The following ANKRD30A variants were observed in gnomAD, a reference collection of about 807,000 sequenced individuals.
ANKRD30A encodes ankyrin repeat domain-containing protein 30A.
ANKRD30A carries 170 observed loss-of-function variants against 166.3 expected under a neutral mutation model. That is an observed-to-expected ratio of 1.02 (90% CI 0.90 to 1.16). The LOEUF (loss-of-function observed/expected upper bound fraction) is 1.16. Ranked by LOEUF, ANKRD30A falls within the 50% of genes most tolerant of loss-of-function variation. ANKRD30A has a pLI of 0.00. For synonymous variants in ANKRD30A, 564 were observed against 508.9 expected, an observed-to-expected ratio of 1.11 and a Z score of -1.46; for missense variants, 1,630 against 1,518.0, an observed-to-expected ratio of 1.07 and a Z score of -1.23.
At chr10:37,162,088 C>G (rs540934294) in intron 15 of ANKRD30A, among the ~76,000 whole-genome samples, 1 of 152,066 alleles carries the variant, frequency 6.6e-6, no homozygotes, top group African/African-American at 2.4e-5. Flanking sequence ...AGCATTCAGA[C>G]AGCTAAAGTA....
At chr10:37,253,602 T>G in the ANKRD30A span, among the ~76,000 whole-genome samples, 27 of 151,964 alleles carry the variant, frequency 1.8e-4, no homozygotes, top group African/African-American at 5.8e-4. Context: ...ATACAATATG[T>G]GGCCTTTGGT....
At chr10:37,233,624 T>C (rs546210288), downstream of ANKRD30A, among the ~76,000 whole-genome samples, 1 of 152,294 alleles carries the variant, frequency 6.6e-6, no homozygotes, top group South Asian at 2.1e-4. Context: ...TTGTGCACAA[T>C]TGGTTTGCCA....
At chr10:37,248,270 C>A in the ANKRD30A span, 1 of 557,570 alleles carries the variant, frequency 1.8e-6, no homozygotes, top group Non-Finnish European at 3.5e-6. Context: ...GAATTGTCAC[C>A]TCAAAAAGGC....
At position 37,142,140 on chromosome 10, in the gene ANKRD30A, A is replaced by G. The variant is rs776835391; in HGVS notation, c.1243A>G (p.Arg415Gly). Residue 415 changes from arginine (R) to glycine (G), a missense_variant, in exon 7 of 36, where the codon AGG becomes GGG. By Grantham distance (125) the Arg-to-Gly change is moderately radical (BLOSUM62 -2). Coordinates refer to ENST00000361713, the MANE Select transcript of ANKRD30A (RefSeq NM_052997.3). ...TACGTGGGCAGCAAAAGGAAGACCTAGGAAGATCGCATGGGAGAAAAAAGA... is the reference window on the plus strand; with the variant it reads ...TACGTGGGCAGCAAAAGGAAGACCTGGGAAGATCGCATGGGAGAAAAAAGA... ...KFTWAAKGRP[R>G]KIAWEKKETP... The G allele has an allele frequency of 1.9e-6, 3 of 1,614,158 alleles. No individual in the cohort carries two copies. Among genetic ancestry groups the G allele is most frequent in the Admixed American group, 1.7e-5 (1 of 60,020 alleles).
At chr10:37,147,038 T>C (rs1767346) in intron 8 of ANKRD30A, among the ~76,000 whole-genome samples, 3 of 152,268 alleles carry the variant, frequency 2.0e-5, no homozygotes, top group African/African-American at 7.2e-5. Flanking sequence ...TTGTTTGATG[T>C]GCCTTCTTGA....
chr10:37,166,084 C>T (rs1404876986), intron 18 of ANKRD30A, among the ~76,000 whole-genome samples: 1 of 152,032 alleles, frequency 6.6e-6, no homozygotes, highest in Non-Finnish European at 1.5e-5. Context: ...CCCCTGTTTA[C>T]CGAAAGAAAG....
At chr10:37,162,582 G>T in intron 15 of ANKRD30A, 67 bp from the exon 16 acceptor site, 2 of 1,583,522 alleles carry the variant, frequency 1.3e-6, no homozygotes, top group South Asian at 2.2e-5. Context: ...ATACTATCAC[G>T]GCATTCATTT....
Position 37,199,755 on chromosome 10 carries a change from A to G in ANKRD30A, c.2745A>G (p.Gln915=), listed in dbSNP as rs781770722. 1.3e-6 allele frequency: 2 copies of G among 1,581,834 alleles called. No homozygotes were observed. The highest frequency in any genetic ancestry group is 2.2e-5 in the South Asian group (2 of 89,064). ...AGATGTTCCCTTCAGAATCAAAACA[A>G]AAGAAGGTTGAAGAAAATTCTTGGG... ...ADQMFPSESK[Q]KKVEENSWDS... is the part of the protein sequence containing the mutation. Residue 915 remains glutamine, a synonymous_variant, in exon 30 of 36, where the codon CAA becomes CAG. Coordinates refer to ENST00000361713, the MANE Select transcript of ANKRD30A (RefSeq NM_052997.3).
At chr10:37,198,635 G>A (rs1005094358) in intron 29 of ANKRD30A, among the ~76,000 whole-genome samples, 1 of 151,738 alleles carries the variant, frequency 6.6e-6, no homozygotes, top group African/African-American at 2.4e-5. Context: ...AACTATCCAG[G>A]GTTCACTTCC....
At chr10:37,134,270 G>C (rs1378737442) in intron 5 of ANKRD30A, among the ~76,000 whole-genome samples, 1 of 151,956 alleles carries the variant, frequency 6.6e-6, no homozygotes, top group Non-Finnish European at 1.5e-5. Flanking sequence ...TAGTTATTTG[G>C]GTCTTGAAGT....
the ANKRD30A span, among the ~76,000 whole-genome samples, chr10:37,258,501 G>A: frequency 2.0e-5 from 3 of 152,058 alleles, no homozygotes; most frequent in Admixed American, 6.6e-5. Flanking sequence ...TGAAACTGCA[G>A]TGTAGTGAGG....
chr10:37,233,640 T>C (rs1206835446), downstream of ANKRD30A, among the ~76,000 whole-genome samples: 1 of 152,196 alleles, frequency 6.6e-6, no homozygotes, highest in Non-Finnish European at 1.5e-5. Flanking sequence ...TGCCAAATCA[T>C]GTTCGACTTA....
intron 31 of ANKRD30A, among the ~76,000 whole-genome samples, chr10:37,203,562 T>A (rs1316941867): frequency 1.3e-5 from 2 of 152,292 alleles, no homozygotes; most frequent in African/African-American, 4.8e-5. Flanking sequence ...AGCATTCCCT[T>A]TGAAAACTGG....
rs146262993 is a variant in ANKRD30A at position 37,193,966 on chromosome 10, A to G, written c.2614+708A>G. On this transcript the variant is annotated intron_variant, in intron 27 of 35. Transcript: ENST00000361713. ...TGATAGCAGTTTGGGAGAGAAAGGCAGACAGATAAGTTAAGGTCAGGAGTC... is the reference window on the plus strand; with the variant it reads ...TGATAGCAGTTTGGGAGAGAAAGGCGGACAGATAAGTTAAGGTCAGGAGTC... 4.7e-3 allele frequency among the ~76,000 whole-genome samples: 720 copies of G among 152,270 alleles called. 9 individuals carry two copies. Among genetic ancestry groups the G allele is most frequent in the African/African-American group, 0.016 (678 of 41,556 alleles).
intron 13 of ANKRD30A, among the ~76,000 whole-genome samples, chr10:37,157,422 G>A (rs1838467533): frequency 6.6e-6 from 1 of 152,184 alleles, no homozygotes; most frequent in African/African-American, 2.4e-5. Flanking sequence ...CTGGAGTGCA[G>A]TGGCATGATC....
intron 24 of ANKRD30A, among the ~76,000 whole-genome samples, chr10:37,184,099 C>G (rs3121721): frequency 6.6e-6 from 1 of 150,826 alleles, no homozygotes; most frequent in African/African-American, 2.4e-5. Flanking sequence ...AGAGGCCTTT[C>G]ATGGGAAAAT....
At chr10:37,164,959 G>A in intron 17 of ANKRD30A, 135 bp from the exon 18 acceptor site, 1 of 881,918 alleles carries the variant, frequency 1.1e-6, no homozygotes, top group South Asian at 1.5e-5. Flanking sequence ...AGTAGTCATT[G>A]TAATCAACAA....
chr10:37,252,548 T>C, the ANKRD30A span, among the ~76,000 whole-genome samples: 76 of 152,320 alleles, frequency 5.0e-4, no homozygotes, highest in Non-Finnish European at 9.0e-4. Flanking sequence ...CCTGGAAATT[T>C]TCTATTAGGT....
At chr10:37,234,069 T>A (rs1843565225), downstream of ANKRD30A, among the ~76,000 whole-genome samples, 8 of 152,318 alleles carry the variant, frequency 5.3e-5, no homozygotes, top group South Asian at 1.7e-3. Context: ...ATCATTTTTG[T>A]TGCATGTGAT....
Sources: allele counts gnomAD v4.1 joint callset (sites outside exome capture counted in the v4.1 genomes callset), GRCh38; gene constraint gnomAD v4.1.1; transcripts MANE v1.5; gene names NCBI Gene and HGNC (gene_info 2026-07-23, HGNC 2026-07-21).